Variants in CCZ1 observed in about 807,000 individuals in gnomAD.
CCZ1 encodes the protein CCZ1 vacuolar protein trafficking and biogenesis associated.
Under a neutral mutation model 57.8 loss-of-function variants are expected in CCZ1, and 19 were observed. That is an observed-to-expected ratio of 0.33 (90% CI 0.23 to 0.48). CCZ1 has a LOEUF of 0.48. Ranked by LOEUF, CCZ1 falls within the 20% of genes least tolerant of loss-of-function variation. The pLI is 0.99. For synonymous variants in CCZ1, 81 were observed against 167.0 expected, an observed-to-expected ratio of 0.49 and a Z score of 3.97; for missense variants, 200 against 492.0, an observed-to-expected ratio of 0.41 and a Z score of 5.61.
At chr7:5,920,955 T>TG (rs1450818606) in intron 12 of CCZ1, among the ~76,000 whole-genome samples, 6 of 89,688 alleles carry the variant, frequency 6.7e-5, no homozygotes, top group South Asian at 3.3e-4. Context: ...TTTTGGGTTT[T>TG]TTTTTTTTTT....
intron 7 of CCZ1, among the ~76,000 whole-genome samples, chr7:5,907,206 C>T (rs1171628075): frequency 6.7e-6 from 1 of 149,690 alleles, no homozygotes; most frequent in African/African-American, 2.5e-5. Context: ...CAACCTTACA[C>T]TGTACTGACT....
At chr7:5,905,653 A>G (rs1186449143) in intron 7 of CCZ1, among the ~76,000 whole-genome samples, 4 of 143,770 alleles carry the variant, frequency 2.8e-5, no homozygotes, top group Admixed American at 6.8e-5. Flanking sequence ...GTGGTGGTGC[A>G]TGCCTGTAAT....
Position 5,902,722 on chromosome 7 carries a change from G to C in CCZ1, c.500G>C (p.Arg167Thr). Residue 167 changes from arginine (R) to threonine (T), a missense_variant, in exon 6 of 15, where the codon AGA becomes ACA. Physicochemically the swap from Arg to Thr is moderately conservative, Grantham distance 71. Coordinates refer to ENST00000325974, the MANE Select transcript of CCZ1 (RefSeq NM_015622.6). ...EDGGVKLLKE[R>T]LEKFFHRYLQ... Reference sequence around the variant, plus strand: ...GGAGGCGTCAAGCTTCTGAAAGAAAGATTAGAGAAATTCTTCCATCGGGTA... The same window carrying C: ...GGAGGCGTCAAGCTTCTGAAAGAAACATTAGAGAAATTCTTCCATCGGGTA... The C allele has an allele frequency of 6.3e-7, 1 of 1,593,788 alleles. No homozygotes were observed. The highest frequency in any genetic ancestry group is 1.2e-5 in the South Asian group (1 of 85,722).
intron 10 of CCZ1, among the ~76,000 whole-genome samples, chr7:5,915,135 G>A (rs1487977604): frequency 2.7e-5 from 4 of 147,806 alleles, no homozygotes; most frequent in African/African-American, 7.4e-5. Context: ...GGGCTCTAGG[G>A]TTCAAGCCGC....
intron 10 of CCZ1, among the ~76,000 whole-genome samples, chr7:5,914,509 A>G (rs1030879931): frequency 6.7e-6 from 1 of 148,872 alleles, no homozygotes; most frequent in African/African-American, 2.5e-5. Context: ...GAGACTTTCA[A>G]AGTTCTGAGA....
At chr7:5,920,470 C>CCTTTTTTTTTTTTTTT (rs1168459709) in intron 12 of CCZ1, among the ~76,000 whole-genome samples, 1 of 95,960 alleles carries the variant, frequency 1.0e-5, no homozygotes, top group African/African-American at 4.2e-5. Context: ...TTCTCCCTGG[C>CCTTTTTTTTTTTTTTT]TTTTTTTTTT....
chr7:5,905,806 A>AAG (rs1554281777), intron 7 of CCZ1, among the ~76,000 whole-genome samples: 4 of 140,350 alleles, frequency 2.9e-5, no homozygotes, highest in Non-Finnish European at 6.0e-5. Context: ...AAAAAAAAAA[A>AAG]AGAGAAAATG....
intron 10 of CCZ1, among the ~76,000 whole-genome samples, chr7:5,916,763 G>A (rs1460931829): frequency 6.9e-6 from 1 of 144,580 alleles, no homozygotes; most frequent in Non-Finnish European, 1.5e-5. Flanking sequence ...CTCCAGAGGT[G>A]GAGCGGGTGC....
At chr7:5,922,874 C>T (rs1376160398) in intron 12 of CCZ1, among the ~76,000 whole-genome samples, 2 of 149,984 alleles carry the variant, frequency 1.3e-5, no homozygotes. Context: ...CAGACTTTTA[C>T]GGTAAAGGAC....
Position 5,926,433 on chromosome 7 carries a change from G to C in CCZ1, c.*746G>C. The C allele has an allele frequency of 6.4e-7, 1 of 1,567,794 alleles. No homozygotes were observed. The highest frequency in any genetic ancestry group is 8.7e-7 in the Non-Finnish European group (1 of 1,145,458). On this transcript the variant is annotated 3_prime_UTR_variant, in exon 15 of 15. Transcript: ENST00000325974. ...GGGGACACGGTCACATCCTCCTTGGGAGGGTCCAGTATGAGGTGAGAGGAT... is the reference window on the plus strand; with the variant it reads ...GGGGACACGGTCACATCCTCCTTGGCAGGGTCCAGTATGAGGTGAGAGGAT...
In CCZ1 at chr7:5,912,023, C is replaced by T. The variant is rs571292556; in HGVS notation, c.842+101C>T. On this transcript the variant is annotated intron_variant, in intron 9 of 14. Transcript: ENST00000325974. The stretch of plus-strand genomic sequence containing the variant: ...GGCTGGAGAGCAGTGGCAAGATCTC[C>T]GCTCACTGCAACCTCCGCCTCCCCG... 7.5e-5 allele frequency: 118 copies of T among 1,576,844 alleles called. 2 individuals carry two copies. Among genetic ancestry groups the T allele is most frequent in the African/African-American group, 6.9e-4 (49 of 71,518 alleles).
chr7:5,921,082 G>T (rs1412234477), intron 12 of CCZ1, among the ~76,000 whole-genome samples: 1 of 98,830 alleles, frequency 1.0e-5, no homozygotes, highest in Non-Finnish European at 2.0e-5. Flanking sequence ...CTCCTGAGTA[G>T]CTGGGTGCCA....
chr7:5,905,851 A>T (rs1030312931), intron 7 of CCZ1, among the ~76,000 whole-genome samples: 19 of 70,942 alleles, frequency 2.7e-4, no homozygotes, highest in East Asian at 9.6e-4. Flanking sequence ...TCCTGTTTTT[A>T]TTTTGGAGTT....
At position 5,926,394 on chromosome 7, in the gene CCZ1, T is replaced by TG. The variant is rs770616781; in HGVS notation, c.*709dup. ...TACTTTTTCTTCTTCTTGCTGGTGA[T>TG]GGTCTTGCTGGATGGGGACACGGTC... On this transcript the variant is annotated 3_prime_UTR_variant, in exon 15 of 15. Coordinates refer to ENST00000325974, the MANE Select transcript of CCZ1 (RefSeq NM_015622.6). The TG allele has an allele frequency of 6.7e-7, 1 of 1,495,342 alleles. No individual in the cohort carries two copies. Among genetic ancestry groups the TG allele is most frequent in the Non-Finnish European group, 9.2e-7 (1 of 1,090,550 alleles). 92.6% of individuals were successfully genotyped at this position (1,495,342 alleles called of 1,614,324 possible).
intron 6 of CCZ1, among the ~76,000 whole-genome samples, chr7:5,903,144 G>T: frequency 6.7e-6 from 1 of 149,020 alleles, no homozygotes; most frequent in Admixed American, 6.6e-5. Context: ...CTAAACGGGC[G>T]TGAACCGTCT....
At chr7:5,908,116 A>G (rs541003616) in intron 7 of CCZ1, among the ~76,000 whole-genome samples, 40 of 142,242 alleles carry the variant, frequency 2.8e-4, no homozygotes, top group Non-Finnish European at 5.0e-4. Flanking sequence ...TAAGAAAAAG[A>G]AAAACAGCAC....
At chr7:5,922,877 T>A (rs1300962212) in intron 12 of CCZ1, among the ~76,000 whole-genome samples, 3 of 149,988 alleles carry the variant, frequency 2.0e-5, no homozygotes. Flanking sequence ...ACTTTTACGG[T>A]AAAGGACCCA....
At chr7:5,914,251 A>G (rs1779106527) in intron 10 of CCZ1, among the ~76,000 whole-genome samples, 2 of 144,106 alleles carry the variant, frequency 1.4e-5, no homozygotes, top group Admixed American at 6.8e-5. Flanking sequence ...TGGGCAACAT[A>G]GTAAGACCCT....
chr7:5,915,416 A>G lies in CCZ1; in HGVS notation c.954+2462A>G, dbSNP rs1184466064. 1.4e-5 allele frequency among the ~76,000 whole-genome samples: 2 copies of G among 138,122 alleles called. 1 individual carries two copies. Among genetic ancestry groups the G allele is most frequent in the Non-Finnish European group, 3.2e-5 (2 of 63,092 alleles). The allele number at this position is 138,122 out of a possible 152,430, so 90.6% of individuals were successfully genotyped here. A position where few individuals can be genotyped will look rare whatever the true frequency, so the allele number is the denominator to read the frequency against. On this transcript the variant is annotated intron_variant, in intron 10 of 14. Transcript: ENST00000325974. ...GACCCAGGTAATGGCTGAAATCTCC[A>G]TAACCCTGGTGTGTAATATGCTGTC... is the stretch of plus-strand genomic sequence containing the variant.
Sources: allele counts gnomAD v4.1 joint callset (sites outside exome capture counted in the v4.1 genomes callset), GRCh38; gene constraint gnomAD v4.1.1; transcripts MANE v1.5; gene names NCBI Gene and HGNC (gene_info 2026-07-23, HGNC 2026-07-21).